The following WDR93 variants were observed in gnomAD, a reference collection of about 807,000 sequenced individuals.
WDR93 encodes the protein WD repeat-containing protein 93.
WDR93 carries 73 observed loss-of-function variants against 82.9 expected under a neutral mutation model. That is an observed-to-expected ratio of 0.88 (90% CI 0.73 to 1.07). The LOEUF (loss-of-function observed/expected upper bound fraction) is 1.07, where lower values mean the gene tolerates loss of function less well. Among genes scored for constraint, WDR93 ranks in the 50% least tolerant of loss-of-function variants. The probability of loss-of-function intolerance (pLI) is 0.00; values close to 1 mark genes in which losing one functional copy is unlikely to be tolerated. For synonymous variants in WDR93, 283 were observed against 300.1 expected, an observed-to-expected ratio of 0.94 and a Z score of 0.59; for missense variants, 738 against 826.0, an observed-to-expected ratio of 0.89 and a Z score of 1.31.
chr15:89,736,178 C>T (rs927113120), intron 14 of WDR93, among the ~76,000 whole-genome samples: 18 of 152,168 alleles, frequency 1.2e-4, no homozygotes, highest in Admixed American at 9.2e-4. Context: ...GATCTCAGTT[C>T]GGCGATGGAC....
intron 10 of WDR93, among the ~76,000 whole-genome samples, chr15:89,729,463 G>A (rs1388371259): frequency 6.6e-6 from 1 of 152,110 alleles, no homozygotes; most frequent in Non-Finnish European, 1.5e-5. Context: ...TCCTCCCTAT[G>A]CAAGAAGGCG....
rs1464591443 is a variant in WDR93, at chr15:89,740,336, G to C, written c.1961+2100G>C. 2.6e-5 allele frequency among the ~76,000 whole-genome samples: 4 copies of C among 152,140 alleles called. No homozygotes were observed. The East Asian group carries it at 7.7e-4, about 29-fold the overall frequency. ...TGTAGTGGGTCGCTGGGAGGCTCTC[G>C]GTACCTCCCGGAGGGAAATGTGCCT... On this transcript the variant is annotated intron_variant, in intron 16 of 16. Coordinates refer to ENST00000268130, the MANE Select transcript of WDR93 (RefSeq NM_020212.2).
chr15:89,696,693 C>T (rs1410925818), intron 1 of WDR93, among the ~76,000 whole-genome samples: 3 of 152,118 alleles, frequency 2.0e-5, no homozygotes, highest in East Asian at 3.9e-4. Flanking sequence ...TGAGGTTTTG[C>T]CATTTTGCCC....
At chr15:89,706,985 A>T (rs11632205) in intron 4 of WDR93, among the ~76,000 whole-genome samples, 2,513 of 152,308 alleles carry the variant, frequency 0.016, 34 homozygotes, top group Non-Finnish European at 0.025. Context: ...AGATATTGTT[A>T]ATGGAATGAA....
chr15:89,714,909 C>T (rs1261242155), intron 5 of WDR93, 71 bp from the exon 6 acceptor site: 3 of 1,315,712 alleles, frequency 2.3e-6, no homozygotes, highest in Non-Finnish European at 3.2e-6. Flanking sequence ...AAGAAGAAGA[C>T]AGGCCATTTC....
In WDR93 at chr15:89,731,417, C is replaced by T. The variant is rs199862260; in HGVS notation, c.1211-26C>T. Reference sequence around the variant, plus strand: ...GGGTAGGTGCAGAGTCTGGGGGAACCGGTTGAGTATTGTCCTTCCCCCTAG... The same window carrying T: ...GGGTAGGTGCAGAGTCTGGGGGAACTGGTTGAGTATTGTCCTTCCCCCTAG... On this transcript the variant is annotated intron_variant, in intron 11 of 16. Coordinates refer to ENST00000268130, the MANE Select transcript of WDR93 (RefSeq NM_020212.2). 3.2e-3 allele frequency: 5,134 copies of T among 1,613,218 alleles called. 189 individuals are homozygous for T. In the Admixed American group the frequency reaches 0.067, roughly 21 times the overall value.
intron 5 of WDR93, among the ~76,000 whole-genome samples, chr15:89,712,818 G>C (rs1344037431): frequency 6.6e-6 from 1 of 151,920 alleles, no homozygotes. Flanking sequence ...ACACTCAAGG[G>C]AAAATGATAG....
intron 7 of WDR93, among the ~76,000 whole-genome samples, chr15:89,721,672 G>A (rs1183942413): frequency 6.6e-6 from 1 of 152,132 alleles, no homozygotes; most frequent in African/African-American, 2.4e-5. Flanking sequence ...GGAATGCAGT[G>A]GCTATTCACA....
chr15:89,717,016 A>C, intron 7 of WDR93, 67 bp downstream of exon 7: 1 of 631,690 alleles, frequency 1.6e-6, no homozygotes, highest in South Asian at 3.2e-5. Flanking sequence ...TTTAAAAATT[A>C]TTATTTTTCT....
chr15:89,705,383 G>A, intron 3 of WDR93, 171 bp from the exon 4 acceptor site: 1 of 631,208 alleles, frequency 1.6e-6, no homozygotes, highest in Non-Finnish European at 2.9e-6. Flanking sequence ...TTCAAGAGGG[G>A]TGGAGGAAGG....
chr15:89,701,618 C>G (rs1965468054), intron 1 of WDR93, 89 bp from the exon 2 acceptor site: 2 of 1,137,448 alleles, frequency 1.8e-6, no homozygotes, highest in Non-Finnish European at 1.2e-6. Flanking sequence ...TAAGCAGTCC[C>G]TATAGGCTAT....
chr15:89,737,467 A>G, intron 14 of WDR93, 106 bp from the exon 15 acceptor site: 1 of 1,448,796 alleles, frequency 6.9e-7, no homozygotes, highest in Non-Finnish European at 9.4e-7. Context: ...AAGAGGTTTT[A>G]TGTCCAGCTG....
chr15:89,727,301 A>G lies in WDR93; in HGVS notation c.1025A>G (p.Asp342Gly). Reference sequence around the variant, plus strand: ...AACGCTTCCTACAAGAAGTACCTAGATAGGGAGTGGGAGGAAGAGCCACTC... The same window carrying G: ...AACGCTTCCTACAAGAAGTACCTAGGTAGGGAGTGGGAGGAAGAGCCACTC... ...IFNASYKKYL[D>G]REWEEEPLST... The change falls in exon 9 of 17, where the codon GAT becomes GGT. Residue 342 changes from aspartate to glycine, a missense_variant. Transcript: ENST00000268130. 2 of 1,614,080 alleles carry G rather than the reference A, an allele frequency of 1.2e-6. No homozygotes were observed.
intron 14 of WDR93, among the ~76,000 whole-genome samples, chr15:89,737,053 A>G (rs993493168): frequency 6.6e-6 from 1 of 152,170 alleles, no homozygotes; most frequent in Admixed American, 6.5e-5. Flanking sequence ...GGCCTCCCAA[A>G]GTGCTGGGAT....
rs1271226245 is a variant in WDR93, at chr15:89,720,416, G to A, written c.796-1639G>A. Among the ~76,000 whole-genome samples, 3 of 152,146 alleles carry A rather than the reference G, an allele frequency of 2.0e-5. No homozygotes were observed. In the South Asian group the frequency reaches 6.2e-4, roughly 32 times the overall value. ...GCCTCCCAAGTAGCTGGGATTACAG[G>A]CACATGTCACCATGCCCAGCTAATT... On this transcript the variant is annotated intron_variant, in intron 7 of 16. Transcript: ENST00000268130.
chr15:89,713,827 G>A (rs1372966400), intron 5 of WDR93, among the ~76,000 whole-genome samples: 1 of 152,138 alleles, frequency 6.6e-6, no homozygotes, highest in Non-Finnish European at 1.5e-5. Flanking sequence ...TGCACCATCT[G>A]TATTGGTTTC....
intron 7 of WDR93, among the ~76,000 whole-genome samples, chr15:89,721,667 G>A (rs1013662947): frequency 6.6e-6 from 1 of 152,186 alleles, no homozygotes; most frequent in African/African-American, 2.4e-5. Context: ...AGGCTGGAAT[G>A]CAGTGGCTAT....
chr15:89,728,949 G>C, intron 9 of WDR93, 74 bp from the exon 10 acceptor site: 1 of 1,348,460 alleles, frequency 7.4e-7, no homozygotes, highest in Non-Finnish European at 1.1e-6. Context: ...CTGGTTTTAG[G>C]ACCAAGACTC....
chr15:89,693,155 A>G (rs1964986113), intron 1 of WDR93, among the ~76,000 whole-genome samples: 1 of 152,250 alleles, frequency 6.6e-6, no homozygotes, highest in Non-Finnish European at 1.5e-5. Flanking sequence ...CATTATAAAT[A>G]AAGCTGCTAT....
Sources: gnomAD v4.1 joint callset for allele counts (sites outside exome capture counted in the v4.1 genomes callset) on GRCh38, gnomAD v4.1.1 for gene constraint, MANE v1.5 for transcripts, NCBI Gene and HGNC (gene_info 2026-07-23, HGNC 2026-07-21) for gene names.